The following ATP9A variants were observed in gnomAD, a reference collection of about 807,000 sequenced individuals.
ATP9A encodes the protein probable phospholipid-transporting ATPase IIA.
In ATP9A, 52 loss-of-function variants were observed where a neutral mutation model predicts 144.1. The observed-to-expected ratio is 0.36, with a 90% CI of 0.29 to 0.45. ATP9A has a LOEUF of 0.45. ATP9A is among the 20% of genes least tolerant of loss of function. The pLI is 1.00. For synonymous variants in ATP9A, 582 were observed against 557.4 expected (o/e 1.04, Z -0.62); for missense variants, 947 against 1,392.7 (o/e 0.68, Z 5.09).
At chr20:51,682,955 G>A (rs2077506691) in intron 9 of ATP9A, among the ~76,000 whole-genome samples, 1 of 150,848 alleles carries the variant, frequency 6.6e-6, no homozygotes, top group Admixed American at 6.6e-5. Flanking sequence ...AGCCGGGTGT[G>A]GTGGTGCATG....
intron 3 of ATP9A, among the ~76,000 whole-genome samples, chr20:51,720,073 T>C (rs1318663958): frequency 6.6e-6 from 1 of 152,150 alleles, no homozygotes; most frequent in Non-Finnish European, 1.5e-5. Context: ...AAAAGAAAGT[T>C]GTAAGAATTT....
chr20:51,727,518 G>A (rs62226707), intron 2 of ATP9A, among the ~76,000 whole-genome samples: 10,531 of 151,654 alleles, frequency 0.069, 806 homozygotes, highest in African/African-American at 0.19. Context: ...CCCAGGAGGC[G>A]GAGATAGTAG....
At chr20:51,634,622 G>C (rs181961450) in intron 15 of ATP9A, among the ~76,000 whole-genome samples, 1 of 152,058 alleles carries the variant, frequency 6.6e-6, no homozygotes, top group Non-Finnish European at 1.5e-5. Flanking sequence ...TTGGGAGGCC[G>C]AGGTGGGTGG....
At chr20:51,628,956 T>C in intron 16 of ATP9A, 24 bp downstream of exon 16, 1 of 1,599,118 alleles carries the variant, frequency 6.3e-7, no homozygotes. Flanking sequence ...CAAGGCCTGG[T>C]TTAACTTCCT....
At chr20:51,601,717 G>A (rs1207135166) in intron 27 of ATP9A, among the ~76,000 whole-genome samples, 1 of 152,104 alleles carries the variant, frequency 6.6e-6, no homozygotes, top group African/African-American at 2.4e-5. Flanking sequence ...ACCAGCTTGG[G>A]CAACACAGCA....
intron 13 of ATP9A, among the ~76,000 whole-genome samples, chr20:51,668,512 G>A (rs1239574434): frequency 1.3e-5 from 2 of 152,010 alleles, no homozygotes; most frequent in East Asian, 1.9e-4. Flanking sequence ...GGCCATCCGG[G>A]GAACAACATA....
Position 51,768,376 on chromosome 20 carries a change from G to A in ATP9A, c.-7C>T, listed in dbSNP as rs990848630. ...GCGGGATGTTGTCCGTCATGTCGGC[G>A]GCGCCGCCCGCCTTGGCCGCCGCGC... On this transcript the variant is annotated 5_prime_UTR_variant, in exon 1 of 28. Transcript: ENST00000338821. 37 of 1,193,818 alleles carry A rather than the reference G, an allele frequency of 3.1e-5. No homozygotes were observed. In the African/African-American group the frequency reaches 5.3e-4, roughly 17 times the overall value. The allele number at this position is 1,193,818 out of a possible 1,614,324, so 74.0% of individuals were successfully genotyped here.
chr20:51,679,615 T>C (rs2122799975), intron 9 of ATP9A, among the ~76,000 whole-genome samples: 1 of 152,240 alleles, frequency 6.6e-6, no homozygotes, highest in South Asian at 2.1e-4. Flanking sequence ...CAAGGTTCTC[T>C]TCACTCCCAC....
At chr20:51,618,309 G>A (rs192998210) in intron 21 of ATP9A, among the ~76,000 whole-genome samples, 57 of 151,786 alleles carry the variant, frequency 3.8e-4, no homozygotes, top group African/African-American at 1.2e-3. Context: ...TAAGCAAACC[G>A]AGGCTCAGAT....
chr20:51,647,027 C>T (rs1255488542), intron 14 of ATP9A, among the ~76,000 whole-genome samples: 4 of 150,856 alleles, frequency 2.7e-5, no homozygotes, highest in South Asian at 2.1e-4. Flanking sequence ...GCTGAGGCAG[C>T]GGAATTGCTT....
intron 4 of ATP9A, among the ~76,000 whole-genome samples, chr20:51,705,713 C>A (rs544796085): frequency 6.6e-6 from 1 of 152,318 alleles, no homozygotes; most frequent in South Asian, 2.1e-4. Flanking sequence ...TTTTCCTCAC[C>A]ACCTGTGATA....
At chr20:51,757,035 A>G (rs1433586297) in intron 1 of ATP9A, among the ~76,000 whole-genome samples, 1 of 152,120 alleles carries the variant, frequency 6.6e-6, no homozygotes, top group Non-Finnish European at 1.5e-5. Context: ...ACACTTGGCA[A>G]TGTCTGGAGA....
At chr20:51,708,550 T>A (rs1210525305) in intron 4 of ATP9A, among the ~76,000 whole-genome samples, 1 of 151,822 alleles carries the variant, frequency 6.6e-6, no homozygotes. Flanking sequence ...GCCTGGCCAA[T>A]ATGGCGAAAC....
chr20:51,681,808 G>A (rs979125292), intron 9 of ATP9A, among the ~76,000 whole-genome samples: 3 of 152,192 alleles, frequency 2.0e-5, no homozygotes, highest in Admixed American at 2.0e-4. Context: ...TGCTGGGACC[G>A]GCAACGGACC....
chr20:51,602,616 C>T (rs2077147554), intron 27 of ATP9A, among the ~76,000 whole-genome samples: 1 of 152,332 alleles, frequency 6.6e-6, no homozygotes, highest in East Asian at 1.9e-4. Flanking sequence ...CAAATCCTTT[C>T]TAGAAACTGG....
At position 51,725,668 on chromosome 20, in the gene ATP9A, A is replaced by G. The variant is rs990536370; in HGVS notation, c.327+151T>C. On this transcript the variant is annotated intron_variant, in intron 3 of 27. Transcript: ENST00000338821. Reference sequence around the variant, plus strand: ...GTATATGAAATGGAGCTTCAACGTTAAAGTCTCAGAGACTCCCAATGTATT... The same window carrying G: ...GTATATGAAATGGAGCTTCAACGTTGAAGTCTCAGAGACTCCCAATGTATT... 21 of 590,802 alleles carry G rather than the reference A, an allele frequency of 3.6e-5. No individual in the cohort carries two copies. In the Admixed American group the frequency reaches 5.9e-4, roughly 17 times the overall value. The allele number at this position is 590,802 out of a possible 1,614,324, so 36.6% of individuals were successfully genotyped here.
At chr20:51,718,814 CAAAAAAAAAAAA>C (rs71192550) in intron 3 of ATP9A, among the ~76,000 whole-genome samples, 7 of 57,708 alleles carry the variant, frequency 1.2e-4, no homozygotes, top group South Asian at 6.9e-4. Context: ...GACTCCATCT[CAAAAAAAAAAAA>C]AAAAAAAAAA....
At chr20:51,758,862 T>G (rs1245751290) in intron 1 of ATP9A, among the ~76,000 whole-genome samples, 3 of 151,432 alleles carry the variant, frequency 2.0e-5, no homozygotes, top group Admixed American at 2.0e-4. Context: ...GAGGCGGAGG[T>G]TCCAGTGAGC....
At chr20:51,698,587 C>T (rs892043558) in intron 4 of ATP9A, among the ~76,000 whole-genome samples, 1 of 152,130 alleles carries the variant, frequency 6.6e-6, no homozygotes, top group African/African-American at 2.4e-5. Flanking sequence ...ATACGTGAAA[C>T]TCAATTCCAG....
Sources: allele counts gnomAD v4.1 joint callset (sites outside exome capture counted in the v4.1 genomes callset), GRCh38; gene constraint gnomAD v4.1.1; transcripts MANE v1.5; gene names NCBI Gene and HGNC (gene_info 2026-07-23, HGNC 2026-07-21).